RORA: variants seen among roughly 807,000 people sequenced by gnomAD.
RORA encodes RAR related orphan receptor A.
RORA carries 7 observed loss-of-function variants against 69.5 expected under a neutral mutation model. The ratio of observed to expected loss-of-function variants is 0.10; its 90% CI spans 0.06 to 0.19. The LOEUF (loss-of-function observed/expected upper bound fraction) is 0.19. Ranked by LOEUF, RORA falls within the 10% of genes least tolerant of loss-of-function variation. The probability of loss-of-function intolerance (pLI) is 1.00; values close to 1 mark genes in which losing one functional copy is unlikely to be tolerated. For synonymous variants in RORA, 261 were observed against 240.8 expected (o/e 1.08, Z -0.78); for missense variants, 457 against 663.0 (o/e 0.69, Z 3.41).
intron 2 of RORA, chr15:60,592,353 G>T (rs755304602): frequency 4.9e-5 from 67 of 1,381,326 alleles, no homozygotes; most frequent in Middle Eastern, 2.6e-4. Context: ...GGAGCCGCCA[G>T]CCCACCCGGC....
intron 1 of RORA, among the ~76,000 whole-genome samples, chr15:60,768,150 G>A (rs76382861): frequency 0.099 from 15,081 of 152,210 alleles, 1,093 homozygotes; most frequent in Non-Finnish European, 0.15. Flanking sequence ...TGACACCCTC[G>A]CTTATCCTCC....
chr15:60,609,117 C>G (rs2069022098), intron 2 of RORA, among the ~76,000 whole-genome samples: 1 of 152,138 alleles, frequency 6.6e-6, no homozygotes, highest in African/African-American at 2.4e-5. Flanking sequence ...GAGGTCTAGG[C>G]AGGCTGATTC....
chr15:60,890,719 T>C (rs2073804569), intron 1 of RORA, among the ~76,000 whole-genome samples: 1 of 152,254 alleles, frequency 6.6e-6, no homozygotes, highest in African/African-American at 2.4e-5. Flanking sequence ...GCATATTTCT[T>C]TGTAAACTAC....
intron 2 of RORA, among the ~76,000 whole-genome samples, chr15:60,569,254 A>G (rs1357099360): frequency 5.3e-5 from 7 of 132,318 alleles, no homozygotes; most frequent in Admixed American, 5.0e-4. Context: ...CCATCTCTTT[A>G]AAAAATTAAA....
chr15:60,677,986 A>C (rs2070578829), intron 2 of RORA, among the ~76,000 whole-genome samples: 1 of 152,256 alleles, frequency 6.6e-6, no homozygotes, highest in South Asian at 2.1e-4. Flanking sequence ...TTCAAGGCAC[A>C]GTCAAACATC....
chr15:60,990,275 T>G (rs550735856), intron 1 of RORA, among the ~76,000 whole-genome samples: 3 of 152,202 alleles, frequency 2.0e-5, no homozygotes, highest in Non-Finnish European at 4.4e-5. Context: ...GTTAGGATAT[T>G]TTGAAATTAG....
At chr15:61,116,278 G>C (rs1194791043) in intron 1 of RORA, among the ~76,000 whole-genome samples, 1 of 152,148 alleles carries the variant, frequency 6.6e-6, no homozygotes, top group Non-Finnish European at 1.5e-5. Context: ...GATGACTCCT[G>C]AGCAAATTAT....
Position 61,061,278 on chromosome 15 carries a change from G to A in RORA, c.166+167775C>T, listed in dbSNP as rs1485770100. Among the ~76,000 whole-genome samples the A allele has an allele frequency of 1.3e-5, 2 of 151,988 alleles. No homozygotes were observed. Among genetic ancestry groups the A allele is most frequent in the Non-Finnish European group, 2.9e-5 (2 of 67,992 alleles). On this transcript the variant is annotated intron_variant, in intron 1 of 10. Transcript: ENST00000335670. This position sits in a 1 kb window ranked among gnomAD's most constrained non-coding sequence, Gnocchi z 4.4. Reference sequence around the variant, plus strand: ...TGAGGCAGGAGAATGGCATGAGCTCGGGAGGCAGAGCTTGCAGTGAGCCGA... The same window carrying A: ...TGAGGCAGGAGAATGGCATGAGCTCAGGAGGCAGAGCTTGCAGTGAGCCGA...
chr15:61,048,271 T>A (rs1040089532), intron 1 of RORA, among the ~76,000 whole-genome samples: 1 of 152,248 alleles, frequency 6.6e-6, no homozygotes. Context: ...TTTGATAACT[T>A]GTTCCTAGGT....
intron 1 of RORA, among the ~76,000 whole-genome samples, chr15:60,880,127 C>T (rs1056508159): frequency 6.6e-6 from 1 of 152,148 alleles, no homozygotes; most frequent in African/African-American, 2.4e-5. Flanking sequence ...TTCTTCTGAC[C>T]AATCACATCT....
chr15:60,559,534 A>G (rs1451478399), intron 2 of RORA, among the ~76,000 whole-genome samples: 1 of 152,204 alleles, frequency 6.6e-6, no homozygotes, highest in Non-Finnish European at 1.5e-5. Flanking sequence ...TTGGCAACCT[A>G]AAGGCCTATT....
chr15:60,835,094 A>G (rs959883741), intron 1 of RORA, among the ~76,000 whole-genome samples: 1 of 152,156 alleles, frequency 6.6e-6, no homozygotes, highest in Non-Finnish European at 1.5e-5. Flanking sequence ...ACCGGGTAGC[A>G]GTGGTATTGT....
chr15:61,125,343 A>G (rs1026866350), intron 1 of RORA, among the ~76,000 whole-genome samples: 1 of 152,338 alleles, frequency 6.6e-6, no homozygotes, highest in Admixed American at 6.5e-5. Flanking sequence ...AGGTGTTATC[A>G]AATTATAAAC....
intron 2 of RORA, among the ~76,000 whole-genome samples, chr15:60,577,255 C>T (rs2068051897): frequency 6.6e-6 from 1 of 152,180 alleles, no homozygotes; most frequent in African/African-American, 2.4e-5. Flanking sequence ...TTACCTTGTG[C>T]TTTGTCATAC....
intron 2 of RORA, among the ~76,000 whole-genome samples, chr15:60,636,174 A>C (rs1029768531): frequency 7.9e-5 from 12 of 152,208 alleles, no homozygotes; most frequent in African/African-American, 2.9e-4. Context: ...CACAGAAACC[A>C]CTTCTTCCCT....
chr15:60,633,872 T>A (rs1043911283), intron 2 of RORA, among the ~76,000 whole-genome samples: 5 of 152,252 alleles, frequency 3.3e-5, no homozygotes, highest in African/African-American at 1.2e-4. Flanking sequence ...AAGGTATTTT[T>A]ACCAGGGAAA....
At chr15:60,611,614 G>A (rs575717616) in intron 2 of RORA, among the ~76,000 whole-genome samples, 6 of 117,808 alleles carry the variant, frequency 5.1e-5, no homozygotes, top group Middle Eastern at 6.5e-3. Context: ...TGCACGAGGA[G>A]TCTAGAGAAC....
intron 2 of RORA, among the ~76,000 whole-genome samples, chr15:60,561,942 A>T (rs189610884): frequency 0.048 from 7,350 of 151,570 alleles, 220 homozygotes; most frequent in East Asian, 0.14. Context: ...AAAAAAAAAA[A>T]TTTTTTTTCT....
At chr15:61,051,194 C>T (rs890659689) in intron 1 of RORA, among the ~76,000 whole-genome samples, 2 of 152,156 alleles carry the variant, frequency 1.3e-5, no homozygotes, top group African/African-American at 4.8e-5. Context: ...GAGTGAGGCA[C>T]TCAGGGTAGA....
Sources: gnomAD v4.1 joint callset for allele counts (sites outside exome capture counted in the v4.1 genomes callset) on GRCh38, gnomAD v4.1.1 for gene constraint, Gnocchi (gnomAD v3.1) non-coding constraint, MANE v1.5 for transcripts, NCBI Gene and HGNC (gene_info 2026-07-23, HGNC 2026-07-21) for gene names.